Variants in SCMH1 observed in about 807,000 individuals in gnomAD.
The protein encoded by SCMH1 is polycomb protein SCMH1.
Under a neutral mutation model 70.8 loss-of-function variants are expected in SCMH1, and 37 were observed. That is an observed-to-expected ratio of 0.52 (90% CI 0.40 to 0.69). The LOEUF (loss-of-function observed/expected upper bound fraction) is 0.69, where lower values mean the gene tolerates loss of function less well. Ranked by LOEUF, SCMH1 falls within the 30% of genes least tolerant of loss-of-function variation. The pLI, the probability that SCMH1 is intolerant of heterozygous loss-of-function variation, is 0.00. For missense variants in SCMH1, 607 were observed against 827.3 expected (o/e 0.73, Z 3.27); for synonymous variants, 292 against 307.4 (o/e 0.95, Z 0.52).
At chr1:41,206,659 A>C (rs946788514) in intron 1 of SCMH1, among the ~76,000 whole-genome samples, 10 of 152,322 alleles carry the variant, frequency 6.6e-5, no homozygotes, top group Non-Finnish European at 1.2e-4. Context: ...CTAGCAAGGC[A>C]GGCCAACATT....
intron 8 of SCMH1, among the ~76,000 whole-genome samples, chr1:41,105,860 T>TA (rs1462212411): frequency 9.9e-5 from 15 of 151,630 alleles, no homozygotes; most frequent in Non-Finnish European, 2.1e-4. Context: ...CTCTACTACT[T>TA]AAAAGCCCAT....
intron 6 of SCMH1, among the ~76,000 whole-genome samples, chr1:41,127,562 A>G (rs960422804): frequency 3.3e-5 from 5 of 152,116 alleles, no homozygotes; most frequent in Non-Finnish European, 7.4e-5. Flanking sequence ...ACTTATCCCA[A>G]TGTCATTTAT....
intron 5 of SCMH1, among the ~76,000 whole-genome samples, chr1:41,144,298 C>T (rs1006807319): frequency 6.6e-6 from 1 of 152,098 alleles, no homozygotes; most frequent in African/African-American, 2.4e-5. Flanking sequence ...CATTAATCTA[C>T]TTTCTGTTTC....
At chr1:41,070,837 A>C in intron 9 of SCMH1, 116 bp from the exon 10 acceptor site, 1 of 1,266,120 alleles carries the variant, frequency 7.9e-7, no homozygotes, top group East Asian at 2.6e-5. Flanking sequence ...ATAGTGTTTT[A>C]TCTTTGTTCT....
At chr1:41,062,763 GA>G (rs1653177608) in intron 10 of SCMH1, among the ~76,000 whole-genome samples, 1 of 139,192 alleles carries the variant, frequency 7.2e-6, no homozygotes, top group Non-Finnish European at 1.6e-5. Context: ...AAAAGAAAAA[GA>G]AAAAATTAGC....
chr1:41,065,533 A>G (rs992503501), intron 10 of SCMH1, among the ~76,000 whole-genome samples: 4 of 152,232 alleles, frequency 2.6e-5, no homozygotes, highest in Non-Finnish European at 4.4e-5. Flanking sequence ...CCCAGAACGA[A>G]GCCAGGAGGG....
intron 8 of SCMH1, among the ~76,000 whole-genome samples, chr1:41,083,664 C>T (rs1212845188): frequency 6.6e-6 from 1 of 152,142 alleles, no homozygotes. Context: ...GCCCGCATCG[C>T]CAAGTCAATC....
At chr1:41,093,408 T>C (rs1246167402) in intron 8 of SCMH1, among the ~76,000 whole-genome samples, 1 of 149,188 alleles carries the variant, frequency 6.7e-6, no homozygotes, top group African/African-American at 2.5e-5. Context: ...CATTAGGAGA[T>C]ATACCTAATG....
At chr1:41,073,173 T>G (rs1382537423) in intron 9 of SCMH1, among the ~76,000 whole-genome samples, 2 of 152,204 alleles carry the variant, frequency 1.3e-5, no homozygotes, top group African/African-American at 4.8e-5. Flanking sequence ...TAATTCCCTC[T>G]CCCTAAAAGA....
At chr1:41,228,526 T>G (rs1660691147) in intron 1 of SCMH1, among the ~76,000 whole-genome samples, 1 of 152,116 alleles carries the variant, frequency 6.6e-6, no homozygotes. Flanking sequence ...CTCACGCCTG[T>G]AATCCCAGCA....
chr1:41,094,015 A>T (rs1664394177), intron 8 of SCMH1, among the ~76,000 whole-genome samples: 1 of 152,194 alleles, frequency 6.6e-6, no homozygotes, highest in South Asian at 2.1e-4. Flanking sequence ...GGAGTTTCAT[A>T]AAAAAGTAGC....
intron 5 of SCMH1, among the ~76,000 whole-genome samples, chr1:41,146,956 C>T (rs184396399): frequency 6.6e-6 from 1 of 151,998 alleles, no homozygotes; most frequent in Admixed American, 6.6e-5. Context: ...ATAAATTTTT[C>T]GTATTTGTTA....
chr1:41,095,995 A>G (rs1664954181), intron 8 of SCMH1, among the ~76,000 whole-genome samples: 1 of 152,212 alleles, frequency 6.6e-6, no homozygotes, highest in African/African-American at 2.4e-5. Context: ...AGCATACAGT[A>G]AAATATACAG....
At chr1:41,117,486 C>CT (rs1485072491) in intron 6 of SCMH1, among the ~76,000 whole-genome samples, 1 of 150,792 alleles carries the variant, frequency 6.6e-6, no homozygotes, top group Non-Finnish European at 1.5e-5. Flanking sequence ...ACTTAGAGAC[C>CT]GGGAAAGGGA....
At chr1:41,083,593 A>G (rs1447784338) in intron 8 of SCMH1, among the ~76,000 whole-genome samples, 1 of 152,216 alleles carries the variant, frequency 6.6e-6, no homozygotes, top group Non-Finnish European at 1.5e-5. Context: ...ACAAGCTACC[A>G]ATGACTTTCT....
At chr1:41,219,967 T>A (rs1658921977) in intron 1 of SCMH1, among the ~76,000 whole-genome samples, 2 of 151,850 alleles carry the variant, frequency 1.3e-5, no homozygotes, top group African/African-American at 2.4e-5. Context: ...AAGATACAAG[T>A]CACTTGGTCT....
At chr1:41,093,267 G>A (rs1011403776) in intron 8 of SCMH1, among the ~76,000 whole-genome samples, 5 of 151,038 alleles carry the variant, frequency 3.3e-5, no homozygotes, top group African/African-American at 9.7e-5. Context: ...GCAAACTATC[G>A]CAAGGACAGA....
intron 1 of SCMH1, among the ~76,000 whole-genome samples, chr1:41,189,323 G>C (rs1651074008): frequency 6.6e-6 from 1 of 152,070 alleles, no homozygotes; most frequent in Non-Finnish European, 1.5e-5. Context: ...CTAATTTTTT[G>C]TATTTTTAGT....
chr1:41,077,657 C>T (rs929622009), intron 8 of SCMH1, among the ~76,000 whole-genome samples: 3 of 152,100 alleles, frequency 2.0e-5, no homozygotes, highest in African/African-American at 7.2e-5. Context: ...AGGTTCCCAA[C>T]CAAGAGCCCA....
Sources: allele counts gnomAD v4.1 joint callset (sites outside exome capture counted in the v4.1 genomes callset), GRCh38; gene constraint gnomAD v4.1.1; transcripts MANE v1.5; gene names NCBI Gene and HGNC (gene_info 2026-07-23, HGNC 2026-07-21).